The following THRB variants were observed in gnomAD, a reference collection of about 807,000 sequenced individuals.
The protein encoded by THRB is nuclear receptor subfamily 1 group A member 2.
Under a neutral mutation model 47.8 loss-of-function variants are expected in THRB, and 12 were observed. That is an observed-to-expected ratio of 0.25 (90% CI 0.16 to 0.41). The LOEUF is 0.41. THRB is among the 10% of genes least tolerant of loss of function. THRB has a pLI of 1.00. For synonymous variants in THRB, 218 were observed against 212.2 expected, an observed-to-expected ratio of 1.03 and a Z score of -0.24; for missense variants, 348 against 589.2, an observed-to-expected ratio of 0.59 and a Z score of 4.24.
intron 1 of THRB, among the ~76,000 whole-genome samples, chr3:24,456,006 C>T (rs968369609): frequency 1.3e-5 from 2 of 152,174 alleles, no homozygotes; most frequent in Non-Finnish European, 2.9e-5. Flanking sequence ...AAAGAAAGCA[C>T]ATAGTCCTTT....
At chr3:24,298,550 C>T (rs1452212653) in intron 2 of THRB, among the ~76,000 whole-genome samples, 2 of 152,154 alleles carry the variant, frequency 1.3e-5, no homozygotes, top group Non-Finnish European at 2.9e-5. Context: ...AAAACGAGGC[C>T]AGGAAGAAAT....
At chr3:24,218,374 T>A in intron 4 of THRB, among the ~76,000 whole-genome samples, 1 of 134,152 alleles carries the variant, frequency 7.5e-6, no homozygotes, top group Non-Finnish European at 1.6e-5. Flanking sequence ...AAAAGAAAAG[T>A]CCTTAGCTGT....
intron 8 of THRB, among the ~76,000 whole-genome samples, chr3:24,135,848 A>ATATAG (rs1559422669): frequency 2.3e-5 from 1 of 43,580 alleles, no homozygotes; most frequent in South Asian, 8.4e-4. Context: ...TATATATATA[A>ATATAG]TACATAAATA....
chr3:24,161,725 T>C (rs2038868482), intron 5 of THRB, among the ~76,000 whole-genome samples: 1 of 151,780 alleles, frequency 6.6e-6, no homozygotes, highest in South Asian at 2.1e-4. Context: ...GTGTGGAGTT[T>C]CTGCTTCAGT....
chr3:24,371,139 A>G lies in THRB; in HGVS notation c.-260-33768T>C, dbSNP rs115396990. On this transcript the variant is annotated intron_variant, in intron 1 of 10. Transcript: ENST00000646209. The stretch of plus-strand genomic sequence containing the variant: ...TCTTAACCTGTATAGTATATTTCTG[A>G]GCAATAGAGTGGTTAGAACACCTAT... Among the ~76,000 whole-genome samples, 1,076 of 152,220 alleles carry G rather than the reference A, an allele frequency of 7.1e-3. 14 individuals carry two copies. Among genetic ancestry groups the G allele is most frequent in the African/African-American group, 0.024 (1,015 of 41,550 alleles).
chr3:24,198,160 T>TC, intron 4 of THRB, among the ~76,000 whole-genome samples: 1 of 152,200 alleles, frequency 6.6e-6, no homozygotes, highest in East Asian at 1.9e-4. Context: ...TATGTAGGTC[T>TC]CTGCAGGAAC....
chr3:24,335,150 TG>T (rs1274392442), intron 2 of THRB, among the ~76,000 whole-genome samples: 2 of 152,168 alleles, frequency 1.3e-5, no homozygotes, highest in Non-Finnish European at 2.9e-5. Context: ...ATCTGGAATA[TG>T]GTGCCTCTCT....
At chr3:24,288,659 T>C (rs2055590748) in intron 3 of THRB, among the ~76,000 whole-genome samples, 4 of 152,206 alleles carry the variant, frequency 2.6e-5, no homozygotes, top group Admixed American at 2.6e-4. Context: ...TGTGATTGAC[T>C]GCCAAGACTT....
At chr3:24,460,035 CTA>C (rs2073554925) in intron 1 of THRB, among the ~76,000 whole-genome samples, 1 of 152,140 alleles carries the variant, frequency 6.6e-6, no homozygotes, top group Admixed American at 6.5e-5. Flanking sequence ...TAGGCAGTGC[CTA>C]ATGTTTTACC....
chr3:24,425,525 TACTC>T (rs1245864020), intron 1 of THRB, among the ~76,000 whole-genome samples: 1 of 151,998 alleles, frequency 6.6e-6, no homozygotes, highest in Non-Finnish European at 1.5e-5. Flanking sequence ...ATATCATAAA[TACTC>T]AATTGAGTAA....
chr3:24,256,810 T>C (rs892484127), intron 3 of THRB, among the ~76,000 whole-genome samples: 1 of 152,168 alleles, frequency 6.6e-6, no homozygotes, highest in African/African-American at 2.4e-5. Context: ...AAAGAGATGT[T>C]AGAGGGTTAT....
chr3:24,122,997 C>A lies in THRB; in HGVS notation c.1273G>T (p.Val425Leu), dbSNP rs1208124708. ...THFWPKLLMK[V>L]TDLRMIGACH... ...GCTCCTATCATCCGCAGATCTGTCA[C>A]CTTCATCAGGAGTTTTGGCCAAAAG... The change falls in exon 11 of 11, where the codon GTG becomes TTG. Residue 425 changes from valine (V) to leucine (L), a missense_variant. By Grantham distance (32) the Val-to-Leu change is conservative. Coordinates refer to ENST00000646209, the MANE Select transcript of THRB (RefSeq NM_001354712.2). 1 of 1,614,154 alleles carries A rather than the reference C, an allele frequency of 6.2e-7. No homozygotes were observed. The highest frequency in any genetic ancestry group is 2.2e-5 in the East Asian group (1 of 44,876).
chr3:24,317,258 C>T (rs2058181079), intron 2 of THRB, among the ~76,000 whole-genome samples: 1 of 152,088 alleles, frequency 6.6e-6, no homozygotes, highest in Non-Finnish European at 1.5e-5. Context: ...TGGAAACTTT[C>T]CAACTCTAGG....
intron 4 of THRB, among the ~76,000 whole-genome samples, chr3:24,204,882 C>T (rs921560931): frequency 1.3e-5 from 2 of 152,116 alleles, no homozygotes; most frequent in African/African-American, 4.8e-5. Context: ...CCGATTCGAT[C>T]AACTGGAAGA....
intron 3 of THRB, among the ~76,000 whole-genome samples, chr3:24,266,112 A>T (rs2052620776): frequency 6.6e-6 from 1 of 152,232 alleles, no homozygotes; most frequent in Non-Finnish European, 1.5e-5. Context: ...ATAGAAATTG[A>T]TAGGGTTTTT....
intron 5 of THRB, among the ~76,000 whole-genome samples, chr3:24,171,137 A>G (rs1438427743): frequency 1.3e-5 from 2 of 152,216 alleles, no homozygotes; most frequent in African/African-American, 4.8e-5. Flanking sequence ...CAAATTGAGG[A>G]AAGTTTCCTT....
chr3:24,426,996 T>C (rs2069833594), intron 1 of THRB, among the ~76,000 whole-genome samples: 1 of 151,966 alleles, frequency 6.6e-6, no homozygotes, highest in South Asian at 2.1e-4. Context: ...TCATCGATGC[T>C]TGCCAAAAAC....
chr3:24,308,651 T>C (rs549616216), intron 2 of THRB, among the ~76,000 whole-genome samples: 5 of 152,278 alleles, frequency 3.3e-5, no homozygotes, highest in Admixed American at 3.3e-4. Flanking sequence ...TGTAGATGTG[T>C]ACTTAGAACT....
chr3:24,351,580 G>T (rs2149540561), intron 1 of THRB, among the ~76,000 whole-genome samples: 1 of 152,196 alleles, frequency 6.6e-6, no homozygotes, highest in Middle Eastern at 3.4e-3. Context: ...CTCACCTTTT[G>T]TTCTTATTTA....
Sources: gnomAD v4.1 joint callset for allele counts (sites outside exome capture counted in the v4.1 genomes callset) on GRCh38, gnomAD v4.1.1 for gene constraint, MANE v1.5 for transcripts, NCBI Gene and HGNC (gene_info 2026-07-23, HGNC 2026-07-21) for gene names.